The following TNFRSF13B variants were observed in gnomAD, a reference collection of about 807,000 sequenced individuals.
TNFRSF13B encodes TNF receptor superfamily member 13B, also known as tumor necrosis factor receptor superfamily member 13B.
In TNFRSF13B, 34 loss-of-function variants were observed where a neutral mutation model predicts 24.0. The observed-to-expected ratio is 1.41, with a 90% CI of 1.08 to 1.88. The LOEUF is 1.88. Ranked by LOEUF, TNFRSF13B falls within the 40% of genes most tolerant of loss-of-function variation. The pLI, the probability that TNFRSF13B is intolerant of heterozygous loss-of-function variation, is 0.00. For synonymous variants in TNFRSF13B, 173 were observed against 150.3 expected (o/e 1.15, Z -1.10); for missense variants, 415 against 380.8 (o/e 1.09, Z -0.75).
Position 16,939,339 on chromosome 17 carries a change from C to T in TNFRSF13B, c.*208G>A, listed in dbSNP as rs1382899303. 3.6e-5 allele frequency: 21 copies of T among 588,514 alleles called. No homozygotes were observed. The highest frequency in any genetic ancestry group is 4.8e-5 in the Non-Finnish European group (17 of 356,036). The allele number at this position is 588,514 out of a possible 1,614,324, so 36.5% of individuals were successfully genotyped here. A position where few individuals can be genotyped will look rare whatever the true frequency, so the allele number is the denominator to read the frequency against. On this transcript the variant is annotated 3_prime_UTR_variant, in exon 5 of 5. Coordinates refer to ENST00000261652, the MANE Select transcript of TNFRSF13B (RefSeq NM_012452.3). The stretch of plus-strand genomic sequence containing the variant: ...TCTCTCCTTCTCTGCCTGTCTCTTT[C>T]CTTCTCTGCCTCTTTCCCTCTCTGC...
intron 1 of TNFRSF13B, among the ~76,000 whole-genome samples, chr17:16,962,450 C>T (rs139781346): frequency 3.4e-4 from 52 of 150,980 alleles, no homozygotes; most frequent in African/African-American, 1.2e-3. Context: ...GAGGTTGCAG[C>T]GAGCTAAGAT....
intron 3 of TNFRSF13B, 122 bp downstream of exon 3, chr17:16,948,615 TG>T: frequency 7.3e-7 from 1 of 1,375,034 alleles, no homozygotes. Context: ...CCCTGGCTTC[TG>T]GCCATTTGCT....
At chr17:16,963,299 C>T (rs1044588768) in intron 1 of TNFRSF13B, among the ~76,000 whole-genome samples, 2 of 152,170 alleles carry the variant, frequency 1.3e-5, no homozygotes, top group Non-Finnish European at 2.9e-5. Context: ...AAGGCCTACA[C>T]CTGGATCGAG....
At chr17:16,971,754 A>C (rs2087746586) in intron 1 of TNFRSF13B, among the ~76,000 whole-genome samples, 1 of 152,182 alleles carries the variant, frequency 6.6e-6, no homozygotes, top group Non-Finnish European at 1.5e-5. Context: ...TGCAGGGGCC[A>C]TGGTGACAAA....
Position 16,940,790 on chromosome 17 carries a change from G to A in TNFRSF13B, c.446-279C>T. 3 of 1,368,978 alleles carry A rather than the reference G, an allele frequency of 2.2e-6. No homozygotes were observed. The East Asian group carries it at 8.8e-5, about 40-fold the overall frequency. The allele number at this position is 1,368,978 out of a possible 1,614,324, so 84.8% of individuals were successfully genotyped here. ...ACTTGCTAGGGCTGTAATTGGGACA[G>A]CGCTGGAGATGGGCTGATGGGTGAA... On this transcript the variant is annotated intron_variant, in intron 3 of 4. Coordinates refer to ENST00000261652, the MANE Select transcript of TNFRSF13B (RefSeq NM_012452.3).
intron 3 of TNFRSF13B, among the ~76,000 whole-genome samples, chr17:16,945,290 C>T (rs1434749012): frequency 6.6e-6 from 1 of 152,164 alleles, no homozygotes; most frequent in African/African-American, 2.4e-5. Flanking sequence ...GCCCAGTGCC[C>T]TCTGGCAAGG....
chr17:16,959,433 A>T (rs988737963), intron 1 of TNFRSF13B, among the ~76,000 whole-genome samples: 1 of 116,932 alleles, frequency 8.6e-6, no homozygotes, highest in Non-Finnish European at 1.8e-5. Context: ...AAATAAAAAT[A>T]GAACAAACCA....
chr17:16,947,226 G>A (rs1785711777), intron 3 of TNFRSF13B, among the ~76,000 whole-genome samples: 1 of 152,198 alleles, frequency 6.6e-6, no homozygotes, highest in Admixed American at 6.5e-5. Context: ...AGATTTAAAT[G>A]TAAGACCCTA....
chr17:16,971,168 C>T (rs1177164513), intron 1 of TNFRSF13B, among the ~76,000 whole-genome samples: 4 of 151,992 alleles, frequency 2.6e-5, no homozygotes, highest in Admixed American at 1.3e-4. Flanking sequence ...GCCAACGTGG[C>T]GAAAGCCTAT....
At chr17:16,947,555 T>A (rs2087557756) in intron 3 of TNFRSF13B, among the ~76,000 whole-genome samples, 1 of 152,152 alleles carries the variant, frequency 6.6e-6, no homozygotes, top group Non-Finnish European at 1.5e-5. Flanking sequence ...GAACAGACAC[T>A]TTTCAAAAGA....
At chr17:16,956,639 A>G (rs529368499) in intron 1 of TNFRSF13B, among the ~76,000 whole-genome samples, 3 of 152,386 alleles carry the variant, frequency 2.0e-5, no homozygotes, top group South Asian at 2.1e-4. Flanking sequence ...AGGTAAATGT[A>G]TAAATAAAGT....
At chr17:16,968,502 T>C (rs1224408523) in intron 1 of TNFRSF13B, among the ~76,000 whole-genome samples, 1 of 152,226 alleles carries the variant, frequency 6.6e-6, no homozygotes, top group African/African-American at 2.4e-5. Flanking sequence ...GTCAACTGGG[T>C]ATTCACATAC....
intron 1 of TNFRSF13B, among the ~76,000 whole-genome samples, chr17:16,963,307 G>A (rs576267650): frequency 1.3e-5 from 2 of 152,234 alleles, no homozygotes; most frequent in Non-Finnish European, 1.5e-5. Flanking sequence ...CACCTGGATC[G>A]AGACAACAAA....
chr17:16,949,170 T>C (rs1251082248), intron 2 of TNFRSF13B, among the ~76,000 whole-genome samples, 187 bp from the exon 3 acceptor site: 4 of 152,246 alleles, frequency 2.6e-5, no homozygotes, highest in African/African-American at 7.2e-5. Context: ...AGTACTATTT[T>C]AGCTGCATTG....
At chr17:16,971,498 A>G (rs927173758) in intron 1 of TNFRSF13B, among the ~76,000 whole-genome samples, 28 of 152,224 alleles carry the variant, frequency 1.8e-4, no homozygotes, top group African/African-American at 6.8e-4. Context: ...GCTGATTTGA[A>G]CAAGTCAACT....
At chr17:16,947,897 C>G (rs531300838) in intron 3 of TNFRSF13B, among the ~76,000 whole-genome samples, 1 of 152,184 alleles carries the variant, frequency 6.6e-6, no homozygotes, top group African/African-American at 2.4e-5. Flanking sequence ...TACATACACA[C>G]GTATGTTCAT....
At position 16,948,737 on chromosome 17, in the gene TNFRSF13B, C is replaced by A. The variant is rs1247893727; in HGVS notation, c.445+1G>T. On this transcript the variant is annotated splice_donor_variant, in intron 3 of 4. Coordinates refer to ENST00000261652, the MANE Select transcript of TNFRSF13B (RefSeq NM_012452.3). LOFTEE classifies it high-confidence loss of function. ...ATGCAGGTTTGCCTTGGGTGGCTTA[C>A]CTGGACTTGCTTCTGAGCCTCTGTG... 6.2e-7 allele frequency: 1 copy of A among 1,613,840 alleles called. No homozygotes were observed. Among genetic ancestry groups the A allele is most frequent in the Admixed American group, 1.7e-5 (1 of 60,026 alleles).
chr17:16,939,379 GTC>G lies in TNFRSF13B; in HGVS notation c.*166_*167del. On this transcript the variant is annotated 3_prime_UTR_variant, in exon 5 of 5. Transcript: ENST00000261652. ...TCCCTCTCTGCCTCTCTTCCCCTCT[GTC>G]TCTCTCTCCCTCTGTCTCTCTCTCC... 3.9e-6 allele frequency: 3 copies of G among 766,010 alleles called. No individual in the cohort carries two copies. Among genetic ancestry groups the G allele is most frequent in the South Asian group, 4.9e-5 (2 of 40,852 alleles). 47.5% of individuals were successfully genotyped at this position (766,010 alleles called of 1,614,324 possible). A position where few individuals can be genotyped will look rare whatever the true frequency, so the allele number is the denominator to read the frequency against.
chr17:16,958,557 A>C (rs767701128), intron 1 of TNFRSF13B, among the ~76,000 whole-genome samples: 32 of 152,066 alleles, frequency 2.1e-4, no homozygotes, highest in Non-Finnish European at 4.0e-4. Flanking sequence ...ATTTTTTCCT[A>C]TATGATTTAA....
Sources: allele counts gnomAD v4.1 joint callset (sites outside exome capture counted in the v4.1 genomes callset), GRCh38; gene constraint gnomAD v4.1.1; transcripts MANE v1.5; gene names NCBI Gene and HGNC (gene_info 2026-07-23, HGNC 2026-07-21).